The following PCLO variants were observed in gnomAD, a reference collection of about 807,000 sequenced individuals.
The protein encoded by PCLO is piccolo presynaptic cytomatrix protein.
PCLO carries 82 observed loss-of-function variants against 427.5 expected under a neutral mutation model. The observed-to-expected ratio is 0.19, with a 90% CI of 0.16 to 0.23. The LOEUF is 0.23. PCLO is among the 10% of genes least tolerant of loss of function. The pLI, the probability that PCLO is intolerant of heterozygous loss-of-function variation, is 1.00. For missense variants in PCLO, 6,239 were observed against 6,115.9 expected (o/e 1.02, Z -0.67); for synonymous variants, 2,357 against 2,155.4 (o/e 1.09, Z -2.59).
intron 6 of PCLO, among the ~76,000 whole-genome samples, chr7:82,938,698 T>C (rs1364380085): frequency 6.6e-6 from 1 of 151,978 alleles, no homozygotes; most frequent in Non-Finnish European, 1.5e-5. Flanking sequence ...GGAAAATGAA[T>C]ATCAATAGCT....
chr7:82,955,673 G>C lies in PCLO; in HGVS notation c.5280C>G (p.His1760Gln). 6.2e-7 allele frequency: 1 copy of C among 1,613,940 alleles called. No homozygotes were observed. The highest frequency in any genetic ancestry group is 8.5e-7 in the Non-Finnish European group (1 of 1,179,878). The change falls in exon 5 of 25, where the codon CAC becomes CAG. Residue 1760 changes from histidine to glutamine, a missense_variant. This residue lies in a region of PCLO where 4,677 missense variants were observed against 4,468.4 expected (regional missense o/e 1.05). Coordinates refer to ENST00000333891, the MANE Select transcript of PCLO (RefSeq NM_033026.6). ...GESKQQRKAR[H>Q]RPHGPLLPTI... ...TAGGCAAAAGAGGGCCATGTGGTCTGTGCCGAGCTTTGCGTTGCTGTTTGC... is the reference window on the plus strand; with the variant it reads ...TAGGCAAAAGAGGGCCATGTGGTCTCTGCCGAGCTTTGCGTTGCTGTTTGC...
At chr7:83,017,181 TAGC>T (rs1213807994) in intron 3 of PCLO, among the ~76,000 whole-genome samples, 2 of 152,084 alleles carry the variant, frequency 1.3e-5, no homozygotes, top group Non-Finnish European at 2.9e-5. Context: ...TTAGATGAAT[TAGC>T]AGTAGGAAGA....
chr7:83,020,802 G>A (rs1190018396), intron 3 of PCLO, among the ~76,000 whole-genome samples: 2 of 152,094 alleles, frequency 1.3e-5, no homozygotes, highest in African/African-American at 4.8e-5. Context: ...GGGAAGAAGG[G>A]AAGGGTAGAA....
At chr7:82,931,586 G>A (rs1361629881) in intron 6 of PCLO, among the ~76,000 whole-genome samples, 6 of 152,096 alleles carry the variant, frequency 3.9e-5, no homozygotes, top group African/African-American at 1.4e-4. Flanking sequence ...TTTGGACACG[G>A]GAGGCCTGTT....
chr7:83,085,126 C>T (rs1246224385), intron 3 of PCLO, among the ~76,000 whole-genome samples: 1 of 152,124 alleles, frequency 6.6e-6, no homozygotes, highest in Non-Finnish European at 1.5e-5. Context: ...ACAATTCATG[C>T]ATTACCCAGC....
chr7:83,139,432 G>A (rs564764039), intron 2 of PCLO, among the ~76,000 whole-genome samples: 1 of 152,248 alleles, frequency 6.6e-6, no homozygotes, highest in African/African-American at 2.4e-5. Flanking sequence ...TTGGACAACT[G>A]TAAAATTAGA....
chr7:83,109,264 A>G (rs1790943263), intron 3 of PCLO, among the ~76,000 whole-genome samples: 1 of 152,066 alleles, frequency 6.6e-6, no homozygotes, highest in Non-Finnish European at 1.5e-5. Context: ...TCATTCTACA[A>G]CCTGTCCCTC....
chr7:82,825,616 GTATATATAT>G (rs1414778139), intron 18 of PCLO, among the ~76,000 whole-genome samples: 2 of 147,666 alleles, frequency 1.4e-5, no homozygotes, highest in Non-Finnish European at 3.0e-5. Context: ...GTGTATGTGT[GTATATATAT>G]TATATATATT....
At chr7:82,828,997 G>A (rs1004294123) in intron 16 of PCLO, among the ~76,000 whole-genome samples, 1 of 152,088 alleles carries the variant, frequency 6.6e-6, no homozygotes, top group Non-Finnish European at 1.5e-5. Flanking sequence ...GTAATCTGTA[G>A]TTCTATTCCA....
intron 3 of PCLO, among the ~76,000 whole-genome samples, chr7:83,105,151 A>G (rs1183884645): frequency 6.6e-6 from 1 of 152,188 alleles, no homozygotes; most frequent in Non-Finnish European, 1.5e-5. Context: ...ATGACAAATG[A>G]TCCTTATGTT....
At chr7:82,938,584 C>T (rs1584184004) in intron 6 of PCLO, among the ~76,000 whole-genome samples, 2 of 151,916 alleles carry the variant, frequency 1.3e-5, no homozygotes, top group East Asian at 3.9e-4. Context: ...GGCCTGATGA[C>T]CAGTGAGCAT....
chr7:83,077,273 C>T (rs1789979326), intron 3 of PCLO, among the ~76,000 whole-genome samples: 1 of 151,990 alleles, frequency 6.6e-6, no homozygotes, highest in South Asian at 2.1e-4. Flanking sequence ...TTCTCTTTTC[C>T]AGCTTGTGTG....
chr7:82,773,904 A>C (rs551808659), intron 22 of PCLO, among the ~76,000 whole-genome samples: 1 of 152,102 alleles, frequency 6.6e-6, no homozygotes, highest in Admixed American at 6.5e-5. Context: ...GGGTACCTAT[A>C]TCCTTCTGTC....
At chr7:83,026,293 G>A (rs1788495268) in intron 3 of PCLO, among the ~76,000 whole-genome samples, 1 of 152,058 alleles carries the variant, frequency 6.6e-6, no homozygotes, top group Admixed American at 6.6e-5. Flanking sequence ...AAAAAAGGCA[G>A]GGGTTGCAAT....
chr7:83,016,011 C>G (rs1275063350), intron 3 of PCLO, among the ~76,000 whole-genome samples: 5 of 151,956 alleles, frequency 3.3e-5, no homozygotes, highest in Non-Finnish European at 7.4e-5. Context: ...ATTGGCAGCA[C>G]TCAAGCACCA....
At chr7:83,158,919 G>A (rs763654351) in intron 1 of PCLO, among the ~76,000 whole-genome samples, 25 of 151,938 alleles carry the variant, frequency 1.6e-4, no homozygotes, top group Admixed American at 1.1e-3. Flanking sequence ...AAACAAAAAC[G>A]TAAAGGTGCT....
chr7:82,983,658 T>A (rs1796197230), intron 3 of PCLO, among the ~76,000 whole-genome samples: 1 of 150,510 alleles, frequency 6.6e-6, no homozygotes, highest in African/African-American at 2.4e-5. Context: ...ATTTAAAACA[T>A]GAGTTTATAA....
Position 82,966,166 on chromosome 7 carries a change from G to C in PCLO, c.3622C>G (p.Leu1208Val). 1 of 1,533,118 alleles carries C rather than the reference G, an allele frequency of 6.5e-7. No individual in the cohort carries two copies. The highest frequency in any genetic ancestry group is 8.9e-7 in the Non-Finnish European group (1 of 1,129,514). 95.0% of individuals were successfully genotyped at this position (1,533,118 alleles called of 1,614,324 possible). Reference protein sequence around the residue: ...SKLEKDKASALQEKKPLPEEK... With the variant: ...SKLEKDKASAVQEKKPLPEEK... ...TCAGGGAGTGGCTTTTTTTCTTGAAGAGCTGAAGCTTTGTCTTTCTCTAGT... is the reference window on the plus strand; with the variant it reads ...TCAGGGAGTGGCTTTTTTTCTTGAACAGCTGAAGCTTTGTCTTTCTCTAGT... The change falls in exon 4 of 25, where the codon CTT (leucine) becomes GTT (valine). Residue 1208 changes from leucine (L) to valine (V), a missense_variant. Physicochemically the swap from Leu to Val is conservative, Grantham distance 32. Around this residue, in one of 5 missense-constraint regions of PCLO, gnomAD observed 4,677 missense variants for 4,468.4 expected, o/e 1.05. Transcript: ENST00000333891.
intron 3 of PCLO, among the ~76,000 whole-genome samples, chr7:82,972,877 C>G (rs1007680921): frequency 5.3e-5 from 8 of 152,042 alleles, no homozygotes; most frequent in Non-Finnish European, 1.0e-4. Context: ...CTCCTTTTTA[C>G]TTATTGACAA....
Sources: gnomAD v4.1 joint callset for allele counts (sites outside exome capture counted in the v4.1 genomes callset) on GRCh38, gnomAD v4.1.1 for gene constraint, gnomAD v4.1.1 regional missense constraint, MANE v1.5 for transcripts, NCBI Gene and HGNC (gene_info 2026-07-23, HGNC 2026-07-21) for gene names.